Variants in LYPD6 observed in about 807,000 individuals in gnomAD.
LYPD6 encodes LY6/PLAUR domain containing 6, also known as ly6/PLAUR domain-containing protein 6.
Under a neutral mutation model 22.7 loss-of-function variants are expected in LYPD6, and 15 were observed. That is an observed-to-expected ratio of 0.66 (90% CI 0.44 to 1.02). The LOEUF is 1.02. Among genes scored for constraint, LYPD6 ranks in the 50% least tolerant of loss-of-function variants. LYPD6 has a pLI of 0.00. For synonymous variants in LYPD6, 72 were observed against 77.5 expected (o/e 0.93, Z 0.37); for missense variants, 189 against 208.4 (o/e 0.91, Z 0.57).
At chr2:149,377,953 G>T (rs1343267068) in intron 1 of LYPD6, among the ~76,000 whole-genome samples, 1 of 151,976 alleles carries the variant, frequency 6.6e-6, no homozygotes, top group African/African-American at 2.4e-5. Flanking sequence ...CTGGCATGAG[G>T]TCAGGCCCTG....
chr2:149,412,465 G>T (rs1336735728), intron 1 of LYPD6, among the ~76,000 whole-genome samples: 1 of 142,852 alleles, frequency 7.0e-6, no homozygotes. Context: ...ATCCATCAGA[G>T]AAGCTATTTT....
intron 1 of LYPD6, among the ~76,000 whole-genome samples, chr2:149,338,987 G>T (rs1247445557): frequency 7.9e-5 from 12 of 152,172 alleles, no homozygotes; most frequent in Admixed American, 7.9e-4. Flanking sequence ...AATTGGATAA[G>T]AGCAATAACA....
intron 1 of LYPD6, among the ~76,000 whole-genome samples, chr2:149,334,253 TA>T (rs1030538540): frequency 2.6e-5 from 4 of 151,320 alleles, no homozygotes; most frequent in Non-Finnish European, 5.9e-5. Flanking sequence ...GTGAATTTGT[TA>T]AAAAAAAATC....
chr2:149,444,784 T>A (rs1683648623), intron 2 of LYPD6, among the ~76,000 whole-genome samples: 1 of 152,214 alleles, frequency 6.6e-6, no homozygotes, highest in African/African-American at 2.4e-5. Flanking sequence ...CCACCACATC[T>A]GCAGTTACTT....
chr2:149,397,421 C>A (rs986166054), intron 1 of LYPD6, among the ~76,000 whole-genome samples: 4 of 152,166 alleles, frequency 2.6e-5, no homozygotes, highest in African/African-American at 9.7e-5. Context: ...CAGAAAACTG[C>A]TGGTCTTCAT....
chr2:149,370,182 T>C (rs1681775767), intron 1 of LYPD6, among the ~76,000 whole-genome samples: 1 of 152,132 alleles, frequency 6.6e-6, no homozygotes. Context: ...AGAAGAGCAA[T>C]TTAAAGGTCT....
chr2:149,341,640 ATC>A (rs1681163554), intron 1 of LYPD6, among the ~76,000 whole-genome samples: 1 of 152,190 alleles, frequency 6.6e-6, no homozygotes, highest in Admixed American at 6.5e-5. Context: ...GGAAATTTAT[ATC>A]AAACAAAAAT....
intron 1 of LYPD6, among the ~76,000 whole-genome samples, chr2:149,389,972 G>A (rs974365608): frequency 6.6e-6 from 1 of 152,124 alleles, no homozygotes; most frequent in East Asian, 1.9e-4. Flanking sequence ...TGACCTTTTA[G>A]CATACAGCCT....
intron 3 of LYPD6, among the ~76,000 whole-genome samples, chr2:149,459,091 C>T (rs1474109806): frequency 6.6e-6 from 1 of 152,128 alleles, no homozygotes; most frequent in Non-Finnish European, 1.5e-5. Flanking sequence ...GAGGACAAAA[C>T]TAAAGCAATC....
chr2:149,350,333 G>A (rs76377246), intron 1 of LYPD6, among the ~76,000 whole-genome samples: 16 of 152,298 alleles, frequency 1.1e-4, no homozygotes, highest in African/African-American at 3.8e-4. Context: ...TATACATTTC[G>A]TTGTTCATTT....
At chr2:149,479,610 A>G in the LYPD6 span, among the ~76,000 whole-genome samples, 1 of 151,850 alleles carries the variant, frequency 6.6e-6, no homozygotes, top group Non-Finnish European at 1.5e-5. Context: ...TTTCTCCTTC[A>G]CACTTCCCTC....
At chr2:149,482,848 C>T in the LYPD6 span, among the ~76,000 whole-genome samples, 9 of 152,136 alleles carry the variant, frequency 5.9e-5, no homozygotes, top group Non-Finnish European at 1.0e-4. Flanking sequence ...GAGATCTGAC[C>T]ACACCTGACC....
At chr2:149,376,402 T>C (rs925364397) in intron 1 of LYPD6, among the ~76,000 whole-genome samples, 5 of 152,106 alleles carry the variant, frequency 3.3e-5, no homozygotes, top group Non-Finnish European at 5.9e-5. Flanking sequence ...ATTTTTTTTT[T>C]CCATTGCCTT....
At chr2:149,482,608 C>T in the LYPD6 span, among the ~76,000 whole-genome samples, 1 of 152,138 alleles carries the variant, frequency 6.6e-6, no homozygotes, top group South Asian at 2.1e-4. Context: ...AGCCAGTCCC[C>T]TTTTATTCCA....
At chr2:149,419,618 T>A (rs1023817855) in intron 1 of LYPD6, among the ~76,000 whole-genome samples, 2 of 152,206 alleles carry the variant, frequency 1.3e-5, no homozygotes, top group Non-Finnish European at 2.9e-5. Context: ...TTCCTTTTGC[T>A]ACCCTTGTTA....
intron 1 of LYPD6, among the ~76,000 whole-genome samples, chr2:149,398,129 C>G (rs1183977679): frequency 6.6e-6 from 1 of 152,030 alleles, no homozygotes; most frequent in Non-Finnish European, 1.5e-5. Flanking sequence ...TGATAGAAGT[C>G]TTTTATAATA....
rs748495202 is a variant in LYPD6 at position 149,399,466 on chromosome 2, TC to T, written c.-71-38170del. Among the ~76,000 whole-genome samples the T allele has an allele frequency of 1.2e-4, 19 of 152,114 alleles. No homozygotes were observed. The East Asian group carries it at 2.7e-3, about 22-fold the overall frequency. The stretch of plus-strand genomic sequence containing the variant: ...TAAATAGGATTGGTTTCCTTAGTAA[TC>T]CTATGGATTTCACTTTATACATTTA... On this transcript the variant is annotated intron_variant, in intron 1 of 4. Coordinates refer to ENST00000334166, the MANE Select transcript of LYPD6 (RefSeq NM_194317.5).
In LYPD6 at chr2:149,370,005, G is replaced by A. The variant is rs1391221648; in HGVS notation, c.-72+39283G>A. ...GGAGCGATTAGCAGCAGACGGGAAC[G>A]GGCCACGGCTCTCACCAAGGCTGGC... On this transcript the variant is annotated intron_variant, in intron 1 of 4. Coordinates refer to ENST00000334166, the MANE Select transcript of LYPD6 (RefSeq NM_194317.5). 2.0e-5 allele frequency among the ~76,000 whole-genome samples: 3 copies of A among 151,998 alleles called. No homozygotes were observed. In the East Asian group the frequency reaches 5.8e-4, roughly 29 times the overall value.
At chr2:149,350,737 G>A (rs2105058344) in intron 1 of LYPD6, among the ~76,000 whole-genome samples, 1 of 152,340 alleles carries the variant, frequency 6.6e-6, no homozygotes, top group East Asian at 1.9e-4. Flanking sequence ...TTAAATGCAA[G>A]TAGCCACATG....
Sources: gnomAD v4.1 joint callset for allele counts (sites outside exome capture counted in the v4.1 genomes callset) on GRCh38, gnomAD v4.1.1 for gene constraint, MANE v1.5 for transcripts, NCBI Gene and HGNC (gene_info 2026-07-23, HGNC 2026-07-21) for gene names.